SLC5A7: variants seen among roughly 807,000 people sequenced by gnomAD.
SLC5A7 encodes the protein high affinity choline transporter 1.
A neutral mutation model predicts 55.4 loss-of-function variants in SLC5A7; 19 were observed. The observed-to-expected ratio is 0.34, with a 90% confidence interval of 0.24 to 0.50. The LOEUF (loss-of-function observed/expected upper bound fraction) is 0.50. Among genes scored for constraint, SLC5A7 ranks in the 20% least tolerant of loss-of-function variants. The pLI, the probability that SLC5A7 is intolerant of heterozygous loss-of-function variation, is 0.98. For missense variants in SLC5A7, 506 were observed against 705.3 expected (o/e 0.72, Z 3.20); for synonymous variants, 265 against 263.7 (o/e 1.00, Z -0.05).
At chr2:107,993,652 A>C (rs1181601942) in intron 4 of SLC5A7, among the ~76,000 whole-genome samples, 1 of 152,224 alleles carries the variant, frequency 6.6e-6, no homozygotes, top group African/African-American at 2.4e-5. Context: ...AATTGGCATA[A>C]ACACAGATAT....
In SLC5A7 at chr2:108,010,635, C is replaced by A. The variant is rs140863834; in HGVS notation, c.1517C>A (p.Thr506Asn). The change falls in exon 9 of 9, where the codon ACC (threonine) becomes AAC (asparagine). Residue 506 changes from threonine to asparagine, a missense_variant. Thr to Asn is a moderately conservative substitution (Grantham distance 65, BLOSUM62 0). Coordinates refer to ENST00000264047, the MANE Select transcript of SLC5A7 (RefSeq NM_021815.5). ...GCCAAGTATCTATTTGAAAGTGGAA[C>A]CTTGCCACCTAAATTAGATGTATTT... ...YLAKYLFESG[T>N]LPPKLDVFDA... 14 of 1,613,946 alleles carry A rather than the reference C, an allele frequency of 8.7e-6. No individual in the cohort carries two copies. The highest frequency in any genetic ancestry group is 4.5e-5 in the East Asian group (2 of 44,870).
chr2:108,003,512 G>A (rs925378448), intron 6 of SLC5A7, among the ~76,000 whole-genome samples: 1 of 152,176 alleles, frequency 6.6e-6, no homozygotes, highest in Non-Finnish European at 1.5e-5. Context: ...ATGAACTATA[G>A]AAATTGGCCT....
Position 108,008,547 on chromosome 2 carries a change from T to G in SLC5A7, c.978T>G (p.Tyr326Ter). Residue 326 changes from tyrosine (Y) to a stop codon, truncating the protein, a stop_gained, in exon 8 of 9, where the codon TAT (tyrosine) becomes TAG (stop). Coordinates refer to ENST00000264047, the MANE Select transcript of SLC5A7 (RefSeq NM_021815.5). LOFTEE classifies it high-confidence loss of function. ...ADMILPIVLQYLCPVYISFFG... is the reference protein window; with the variant it reads ...ADMILPIVLQ ...TGATTTTACCAATTGTTCTGCAGTA[T>G]CTCTGCCCTGTGTATATTTCTTTCT... The G allele has an allele frequency of 6.2e-7, 1 of 1,613,666 alleles. No homozygotes were observed. Among genetic ancestry groups the G allele is most frequent in the Non-Finnish European group, 8.5e-7 (1 of 1,179,810 alleles).
chr2:107,994,059 G>T (rs1466608377), intron 4 of SLC5A7, among the ~76,000 whole-genome samples: 1 of 152,154 alleles, frequency 6.6e-6, no homozygotes. Context: ...TCTACCCTTA[G>T]AGACACAGGC....
intron 4 of SLC5A7, among the ~76,000 whole-genome samples, chr2:107,997,195 G>T (rs1420137542): frequency 6.6e-6 from 1 of 152,154 alleles, no homozygotes; most frequent in Non-Finnish European, 1.5e-5. Context: ...ATATGACAGT[G>T]GTCCCATAAG....
At chr2:108,007,119 A>C (rs975374341) in intron 7 of SLC5A7, among the ~76,000 whole-genome samples, 3 of 152,158 alleles carry the variant, frequency 2.0e-5, no homozygotes, top group African/African-American at 7.2e-5. Context: ...TGTAACTTTT[A>C]AGAGCACTTA....
chr2:107,987,347 T>C (rs1416437501), intron 1 of SLC5A7, among the ~76,000 whole-genome samples: 3 of 152,238 alleles, frequency 2.0e-5, no homozygotes, highest in African/African-American at 7.2e-5. Context: ...TAGGCAATTG[T>C]GTTTAAAACA....
intron 8 of SLC5A7, 118 bp from the exon 9 acceptor site, chr2:108,010,114 G>A: frequency 8.0e-7 from 1 of 1,250,922 alleles, no homozygotes; most frequent in Non-Finnish European, 1.1e-6. Context: ...CATAGATTGA[G>A]CCATTTGAAC....
chr2:108,007,553 A>G (rs1018452560), intron 7 of SLC5A7, among the ~76,000 whole-genome samples: 7 of 152,160 alleles, frequency 4.6e-5, no homozygotes, highest in South Asian at 4.2e-4. Flanking sequence ...AAACAGCATT[A>G]AGCCTATTTT....
chr2:108,006,147 G>A lies in SLC5A7; in HGVS notation c.840G>A (p.Gly280=). ...TGCTGTCCTTCCTGGCAGCTTTCGGGTGCCTGGTGATGGCCATCCCAGCCA... is the reference window on the plus strand; with the variant it reads ...TGCTGTCCTTCCTGGCAGCTTTCGGATGCCTGGTGATGGCCATCCCAGCCA... The part of the protein sequence containing the change: ...AQVLSFLAAF[G]CLVMAIPAIL... Residue 280 remains glycine, a synonymous_variant, in exon 7 of 9, where the codon GGG becomes GGA. Coordinates refer to ENST00000264047, the MANE Select transcript of SLC5A7 (RefSeq NM_021815.5). The A allele has an allele frequency of 6.2e-7, 1 of 1,613,906 alleles. No homozygotes were observed. Among genetic ancestry groups the A allele is most frequent in the South Asian group, 1.1e-5 (1 of 91,070 alleles).
In SLC5A7 at chr2:108,008,461, A is replaced by G. The variant is rs1573615373; in HGVS notation, c.896-4A>G. 1.2e-6 allele frequency: 2 copies of G among 1,612,172 alleles called. No individual in the cohort carries two copies. The highest frequency in any genetic ancestry group is 8.5e-7 in the Non-Finnish European group (1 of 1,178,902). ...TTATAATGGTTGTTGATTCTGTTCA[A>G]CAGACTGGAACCAGACTGCATATGG... On this transcript the variant is annotated splice_polypyrimidine_tract_variant and splice_region_variant and intron_variant, in intron 7 of 8. Transcript: ENST00000264047.
chr2:107,988,059 G>A lies in SLC5A7; in HGVS notation c.-51-46G>A, dbSNP rs376005891. ...GGTTTATTCCTGGCTGCCTACATGT[G>A]CATAGTGCTTGACTGGTTTATAATG... On this transcript the variant is annotated intron_variant, in intron 1 of 8. Transcript: ENST00000264047. The A allele has an allele frequency of 3.8e-4, 489 of 1,284,292 alleles. 1 individual carries two copies. The African/African-American group carries it at 6.4e-3, about 17-fold the overall frequency. The allele number at this position is 1,284,292 out of a possible 1,614,324, so 79.6% of individuals were successfully genotyped here. A position where few individuals can be genotyped will look rare whatever the true frequency, so the allele number is the denominator to read the frequency against.
chr2:107,997,394 TGTGA>T (rs1386477706), intron 4 of SLC5A7, among the ~76,000 whole-genome samples: 4 of 152,208 alleles, frequency 2.6e-5, no homozygotes, highest in Admixed American at 6.5e-5. Context: ...CATCAAGATT[TGTGA>T]GTGAGTACAT....
At chr2:107,987,471 A>G (rs1677292618) in intron 1 of SLC5A7, among the ~76,000 whole-genome samples, 1 of 152,218 alleles carries the variant, frequency 6.6e-6, no homozygotes. Flanking sequence ...TTCAACAACA[A>G]AAAACATACT....
chr2:107,990,432 A>T (rs747432092), intron 2 of SLC5A7, among the ~76,000 whole-genome samples: 13 of 152,290 alleles, frequency 8.5e-5, no homozygotes, highest in Non-Finnish European at 1.8e-4. Context: ...TAGCAATTCC[A>T]GTTGCCTGGT....
chr2:108,005,641 G>C (rs1678080360), intron 6 of SLC5A7, among the ~76,000 whole-genome samples: 1 of 152,106 alleles, frequency 6.6e-6, no homozygotes, highest in African/African-American at 2.4e-5. Flanking sequence ...TTTTCACATC[G>C]CTGGGAAGTC....
Position 108,012,849 on chromosome 2 carries a change from A to G in SLC5A7, c.*1988A>G, listed in dbSNP as rs2104388365. On this transcript the variant is annotated 3_prime_UTR_variant, in exon 9 of 9. Transcript: ENST00000264047. ...CAGATACTGAAACATTTGACACATAAAAGTAATTAATTGCTGGAGACTACA... is the reference window on the plus strand; with the variant it reads ...CAGATACTGAAACATTTGACACATAGAAGTAATTAATTGCTGGAGACTACA... The G allele has an allele frequency of 6.6e-6, 1 of 152,234 alleles. No individual in the cohort carries two copies. Among genetic ancestry groups the G allele is most frequent in the Admixed American group, 6.5e-5 (1 of 15,270 alleles). The allele number at this position is 152,234 out of a possible 1,614,324, so 9.4% of individuals were successfully genotyped here.
chr2:107,995,470 A>AGTGTGTGT (rs57328827), intron 4 of SLC5A7, among the ~76,000 whole-genome samples: 1,870 of 137,194 alleles, frequency 0.014, 40 homozygotes, highest in African/African-American at 0.048. Context: ...AGAGAGAGAG[A>AGTGTGTGT]GTGTGTGTGT....
chr2:107,999,767 C>T (rs770904025), intron 5 of SLC5A7, among the ~76,000 whole-genome samples: 4 of 151,992 alleles, frequency 2.6e-5, no homozygotes, highest in Admixed American at 2.0e-4. Context: ...TTCATTTTCC[C>T]TCTCTCTGAC....
Sources: allele counts gnomAD v4.1 joint callset (sites outside exome capture counted in the v4.1 genomes callset), GRCh38; gene constraint gnomAD v4.1.1; transcripts MANE v1.5; gene names NCBI Gene and HGNC (gene_info 2026-07-23, HGNC 2026-07-21).